Variants in PKP1 observed in about 807,000 individuals in gnomAD.
The protein encoded by PKP1 is plakophilin-1.
Under a neutral mutation model 76.4 loss-of-function variants are expected in PKP1, and 27 were observed. The ratio of observed to expected loss-of-function variants is 0.35; its 90% CI spans 0.26 to 0.49. The LOEUF is 0.49. PKP1 is among the 20% of genes least tolerant of loss of function. The pLI is 0.99. For missense variants in PKP1, 964 were observed against 955.2 expected (o/e 1.01, Z -0.12); for synonymous variants, 404 against 384.2 (o/e 1.05, Z -0.60).
intron 11 of PKP1, 104 bp from the exon 12 acceptor site, chr1:201,325,650 C>T: frequency 2.3e-6 from 2 of 879,466 alleles, no homozygotes; most frequent in South Asian, 2.8e-5. Flanking sequence ...CCTCTGAGGC[C>T]TCCCCTGTGT....
intron 7 of PKP1, among the ~76,000 whole-genome samples, chr1:201,320,948 A>G (rs531950852): frequency 6.6e-6 from 1 of 152,270 alleles, no homozygotes; most frequent in East Asian, 1.9e-4. Context: ...CCCTCTCTGG[A>G]CTTCTGGACA....
chr1:201,327,527 G>A lies in PKP1; in HGVS notation c.2107-1235G>A, dbSNP rs1657164055. ...TGCCAGATAGACAAAGGGAGACGAG[G>A]AGGCAGGTAAGGAGGACTGGTGTGA... is the stretch of plus-strand genomic sequence containing the variant. On this transcript the variant is annotated intron_variant, in intron 12 of 13. Coordinates refer to ENST00000367324, the MANE Select transcript of PKP1 (RefSeq NM_001005337.3). Among the ~76,000 whole-genome samples the A allele has an allele frequency of 3.9e-5, 6 of 152,196 alleles. No homozygotes were observed. The South Asian group carries it at 1.2e-3, about 32-fold the overall frequency.
At position 201,322,086 on chromosome 1, in the gene PKP1, G is replaced by T; in HGVS notation, c.1456G>T (p.Glu486Ter). The change falls in exon 8 of 14, where the codon GAG (glutamate) becomes TAG (stop). Residue 486 changes from glutamate to a stop codon, truncating the protein, a stop_gained. Coordinates refer to ENST00000367324, the MANE Select transcript of PKP1 (RefSeq NM_001005337.3). LOFTEE classifies it high-confidence loss of function. ...LEYNARNAYT[E>*]KSSTGCFSNK... ...GTATAACGCCCGCAACGCCTACACC[G>T]AGAAGTCCTCCACTGGCTGCTTCAG... The T allele has an allele frequency of 6.2e-7, 1 of 1,613,072 alleles. No individual in the cohort carries two copies.
intron 5 of PKP1, among the ~76,000 whole-genome samples, chr1:201,318,015 T>C (rs1175469386): frequency 1.3e-5 from 2 of 152,260 alleles, no homozygotes; most frequent in African/African-American, 4.8e-5. Context: ...TTTTTGAGGT[T>C]AAAGAGCAAA....
chr1:201,311,600 G>T (rs563997460), intron 2 of PKP1, among the ~76,000 whole-genome samples: 1 of 152,256 alleles, frequency 6.6e-6, no homozygotes, highest in East Asian at 1.9e-4. Flanking sequence ...GGACCAAGTC[G>T]AGTGCCAGCC....
intron 2 of PKP1, among the ~76,000 whole-genome samples, chr1:201,304,888 C>T (rs184414127): frequency 3.9e-5 from 6 of 152,228 alleles, no homozygotes; most frequent in Admixed American, 2.6e-4. Flanking sequence ...TTAATATGCT[C>T]ACAAACAGAA....
Position 201,320,255 on chromosome 1 carries a change from T to A in PKP1, c.1233-12T>A. 1 of 1,585,686 alleles carries A rather than the reference T, an allele frequency of 6.3e-7. No homozygotes were observed. The highest frequency in any genetic ancestry group is 1.3e-5 in the African/African-American group (1 of 74,188). On this transcript the variant is annotated splice_polypyrimidine_tract_variant and intron_variant, in intron 6 of 13. Coordinates refer to ENST00000367324, the MANE Select transcript of PKP1 (RefSeq NM_001005337.3). ...CTTTCTCTGCCCTCTTCCACCCTCT[T>A]CTCTCCCCCAGGAACCTGAGCTCGG... is the stretch of plus-strand genomic sequence containing the variant.
chr1:201,314,616 G>A (rs1224138790), intron 3 of PKP1, among the ~76,000 whole-genome samples: 6 of 152,248 alleles, frequency 3.9e-5, no homozygotes, highest in East Asian at 1.9e-4. Context: ...GGGGTGCCCC[G>A]TTAGGAGCCA....
At chr1:201,324,653 G>A in intron 10 of PKP1, 72 bp downstream of exon 10, 7 of 1,557,404 alleles carry the variant, frequency 4.5e-6, no homozygotes, top group Non-Finnish European at 5.3e-6. Flanking sequence ...CCTGCTTGAA[G>A]GTCATCCTTT....
chr1:201,317,340 C>CAGCTAGGATATGGG (rs539170444), intron 4 of PKP1, among the ~76,000 whole-genome samples: 28 of 152,124 alleles, frequency 1.8e-4, no homozygotes, highest in African/African-American at 5.1e-4. Flanking sequence ...GAGGTTCTCC[C>CAGCTAGGATATGGG]AGCTAGGATA....
At chr1:201,322,253 C>A in intron 8 of PKP1, 120 bp downstream of exon 8, 2 of 1,073,148 alleles carry the variant, frequency 1.9e-6, no homozygotes, top group Non-Finnish European at 2.7e-6. Context: ...AAGGGACAGG[C>A]CCATGCTGAC....
chr1:201,316,634 C>T lies in PKP1; in HGVS notation c.783C>T (p.Tyr261=), dbSNP rs774474203. Residue 261 remains tyrosine (Y), a synonymous_variant, in exon 4 of 14, where the codon TAC becomes TAT. Coordinates refer to ENST00000367324, the MANE Select transcript of PKP1 (RefSeq NM_001005337.3). ...ACCTGAGCTCCCAGGATGAGAAGTA[C>T]CAGGCCATTGGGGCCTATTACATCC... is the stretch of plus-strand genomic sequence containing the variant. The part of the protein sequence containing the change: ...VQYLSSQDEK[Y]QAIGAYYIQH... The T allele has an allele frequency of 1.9e-6, 3 of 1,613,470 alleles. No homozygotes were observed. In the South Asian group the frequency reaches 3.3e-5, roughly 18 times the overall value.
chr1:201,296,984 A>G (rs1656097174), intron 2 of PKP1, among the ~76,000 whole-genome samples: 1 of 152,208 alleles, frequency 6.6e-6, no homozygotes, highest in South Asian at 2.1e-4. Context: ...TATGTAAAGG[A>G]TCTGTAGGCA....
chr1:201,298,017 C>T (rs1293707954), intron 2 of PKP1, among the ~76,000 whole-genome samples: 2 of 152,152 alleles, frequency 1.3e-5, no homozygotes, highest in African/African-American at 2.4e-5. Flanking sequence ...CTACATGCCC[C>T]GTCTATCTAT....
intron 1 of PKP1, among the ~76,000 whole-genome samples, chr1:201,288,476 A>G (rs889295700): frequency 6.6e-6 from 1 of 152,216 alleles, no homozygotes; most frequent in African/African-American, 2.4e-5. Context: ...CTTAGTGAGT[A>G]TGAAAGATGG....
intron 2 of PKP1, among the ~76,000 whole-genome samples, chr1:201,300,028 C>G (rs1198129382): frequency 6.6e-6 from 1 of 152,216 alleles, no homozygotes; most frequent in African/African-American, 2.4e-5. Context: ...GATGTGTTTG[C>G]CAACTCAGTG....
chr1:201,305,608 C>T (rs991027700), intron 2 of PKP1, among the ~76,000 whole-genome samples: 1 of 152,210 alleles, frequency 6.6e-6, no homozygotes, highest in African/African-American at 2.4e-5. Context: ...AGCACCTGCC[C>T]TTCAGGATGC....
chr1:201,288,352 C>T (rs975428767), intron 1 of PKP1, among the ~76,000 whole-genome samples: 4 of 152,220 alleles, frequency 2.6e-5, no homozygotes, highest in African/African-American at 9.7e-5. Flanking sequence ...TCGTAAACAT[C>T]CTAACATATT....
Position 201,313,259 on chromosome 1 carries a change from A to C in PKP1, c.400A>C (p.Ser134Arg). The C allele has an allele frequency of 6.2e-7, 1 of 1,605,368 alleles. No individual in the cohort carries two copies. Among genetic ancestry groups the C allele is most frequent in the South Asian group, 1.1e-5 (1 of 89,574 alleles). ...CTGGAGCCGGCACTACCCCCGGGGC[A>C]GCTGTAACACCACCGGCGCAGGCAG... Reference protein sequence around the residue: ...ENWSRHYPRGSCNTTGAGSDI... With the variant: ...ENWSRHYPRGRCNTTGAGSDI... Residue 134 changes from serine (S) to arginine (R), a missense_variant, in exon 3 of 14, where the codon AGC becomes CGC. Coordinates refer to ENST00000367324, the MANE Select transcript of PKP1 (RefSeq NM_001005337.3).
Sources: allele counts gnomAD v4.1 joint callset (sites outside exome capture counted in the v4.1 genomes callset), GRCh38; gene constraint gnomAD v4.1.1; transcripts MANE v1.5; gene names NCBI Gene and HGNC (gene_info 2026-07-23, HGNC 2026-07-21).